RNGTT: variants seen among roughly 807,000 people sequenced by gnomAD.
RNGTT encodes the protein mRNA-capping enzyme.
Under a neutral mutation model 79.3 loss-of-function variants are expected in RNGTT, and 33 were observed. The observed-to-expected ratio is 0.42, with a 90% confidence interval of 0.32 to 0.56. The LOEUF (loss-of-function observed/expected upper bound fraction) is 0.56, where lower values mean the gene tolerates loss of function less well. RNGTT is among the 20% of genes least tolerant of loss of function. RNGTT has a pLI of 0.17. For missense variants in RNGTT, 497 were observed against 739.1 expected (o/e 0.67, Z 3.80); for synonymous variants, 222 against 235.9 (o/e 0.94, Z 0.54).
At chr6:88,779,642 G>C (rs565687908) in intron 12 of RNGTT, among the ~76,000 whole-genome samples, 1 of 152,144 alleles carries the variant, frequency 6.6e-6, no homozygotes, top group African/African-American at 2.4e-5. Flanking sequence ...TGGAATACTA[G>C]ACTTGATATT....
chr6:88,928,305 A>AAAC (rs1014780036), intron 4 of RNGTT, among the ~76,000 whole-genome samples: 2 of 152,298 alleles, frequency 1.3e-5, no homozygotes, highest in South Asian at 2.1e-4. Flanking sequence ...TATAAAAGCA[A>AAAC]AACAACAACA....
chr6:88,748,643 T>A (rs959855536), intron 13 of RNGTT, among the ~76,000 whole-genome samples: 2 of 152,142 alleles, frequency 1.3e-5, no homozygotes, highest in Non-Finnish European at 2.9e-5. Context: ...AAATGTAAGT[T>A]CCATGAATCA....
At chr6:88,681,923 A>C (rs1039388916) in intron 13 of RNGTT, among the ~76,000 whole-genome samples, 3 of 152,178 alleles carry the variant, frequency 2.0e-5, no homozygotes, top group African/African-American at 7.2e-5. Context: ...GGACAAAAAC[A>C]ATTTATCACA....
intron 14 of RNGTT, among the ~76,000 whole-genome samples, chr6:88,647,762 G>A (rs1773633993): frequency 6.7e-6 from 1 of 149,306 alleles, no homozygotes; most frequent in Admixed American, 6.7e-5. Context: ...AGAGGGAGGA[G>A]GGGAGGGAAC....
At chr6:88,806,302 G>A (rs528965203) in intron 11 of RNGTT, among the ~76,000 whole-genome samples, 6 of 149,756 alleles carry the variant, frequency 4.0e-5, no homozygotes, top group South Asian at 2.1e-4. Flanking sequence ...CAACGTTGTC[G>A]AGAAAAAGGA....
chr6:88,644,625 C>A (rs1773465629), intron 14 of RNGTT, among the ~76,000 whole-genome samples: 1 of 152,182 alleles, frequency 6.6e-6, no homozygotes, highest in South Asian at 2.1e-4. Context: ...CAAACTGAAT[C>A]CAGCAGCACA....
chr6:88,961,657 T>C (rs563141026), intron 1 of RNGTT, among the ~76,000 whole-genome samples: 1 of 152,346 alleles, frequency 6.6e-6, no homozygotes, highest in South Asian at 2.1e-4. Flanking sequence ...TTTTTGCTAG[T>C]TTTTAAGTCC....
intron 1 of RNGTT, among the ~76,000 whole-genome samples, chr6:88,957,398 G>A (rs1251037971): frequency 6.6e-6 from 1 of 152,096 alleles, no homozygotes; most frequent in Non-Finnish European, 1.5e-5. Flanking sequence ...GAAATAAAGG[G>A]CATCCAAATT....
chr6:88,832,703 C>T (rs910273978), intron 11 of RNGTT, among the ~76,000 whole-genome samples: 7 of 152,204 alleles, frequency 4.6e-5, no homozygotes, highest in Admixed American at 3.9e-4. Context: ...GGGCTAATAT[C>T]CAGAATCTAC....
chr6:88,795,092 AAAAGTGATG>A (rs1174336779), intron 12 of RNGTT, among the ~76,000 whole-genome samples: 15 of 152,366 alleles, frequency 9.8e-5, no homozygotes, highest in Admixed American at 6.5e-4. Context: ...AAGCTGCTAT[AAAAGTGATG>A]ATAGAGGAAT....
At chr6:88,722,744 T>C (rs924939661) in intron 13 of RNGTT, among the ~76,000 whole-genome samples, 19 of 152,292 alleles carry the variant, frequency 1.2e-4, no homozygotes, top group African/African-American at 4.6e-4. Context: ...AAAGTAACTA[T>C]AGTCATGAGC....
At chr6:88,662,414 T>G (rs1196552842) in intron 14 of RNGTT, among the ~76,000 whole-genome samples, 1 of 152,228 alleles carries the variant, frequency 6.6e-6, no homozygotes, top group East Asian at 1.9e-4. Flanking sequence ...TTGCACAATG[T>G]ATCATGACCC....
chr6:88,911,324 G>C (rs1299184314), intron 4 of RNGTT, among the ~76,000 whole-genome samples: 1 of 152,108 alleles, frequency 6.6e-6, no homozygotes, highest in Non-Finnish European at 1.5e-5. Context: ...AAAAGAGCAG[G>C]GGTTGCTATT....
At chr6:88,650,544 T>A (rs1030173607) in intron 14 of RNGTT, among the ~76,000 whole-genome samples, 2 of 151,720 alleles carry the variant, frequency 1.3e-5, no homozygotes, top group African/African-American at 4.9e-5. Context: ...TACTCAACTT[T>A]GGGCAAAAAA....
chr6:88,773,107 T>A (rs1488982922), intron 12 of RNGTT, among the ~76,000 whole-genome samples: 1 of 147,294 alleles, frequency 6.8e-6, no homozygotes, highest in Non-Finnish European at 1.5e-5. Context: ...TAAGAAAATG[T>A]GGCACATATA....
At chr6:88,860,247 C>G (rs1003267674) in intron 8 of RNGTT, among the ~76,000 whole-genome samples, 1 of 152,138 alleles carries the variant, frequency 6.6e-6, no homozygotes, top group African/African-American at 2.4e-5. Flanking sequence ...AGAGAAGTTC[C>G]AAGTTCTGGC....
chr6:88,800,884 T>C (rs1030743351), intron 12 of RNGTT, among the ~76,000 whole-genome samples: 5 of 152,300 alleles, frequency 3.3e-5, no homozygotes, highest in South Asian at 4.1e-4. Flanking sequence ...CTGGCATCTA[T>C]ACTCCTGGCA....
At chr6:88,647,232 A>G (rs913768020) in intron 14 of RNGTT, among the ~76,000 whole-genome samples, 3 of 152,158 alleles carry the variant, frequency 2.0e-5, no homozygotes, top group Non-Finnish European at 4.4e-5. Context: ...AGTATGCTAC[A>G]GAAGCTCGAC....
chr6:88,863,239 C>T (rs1274516083), intron 8 of RNGTT, among the ~76,000 whole-genome samples: 1 of 152,188 alleles, frequency 6.6e-6, no homozygotes, highest in Non-Finnish European at 1.5e-5. Context: ...GGCAGGCCAG[C>T]AGCATGCCAC....
Sources: gnomAD v4.1 joint callset for allele counts (sites outside exome capture counted in the v4.1 genomes callset) on GRCh38, gnomAD v4.1.1 for gene constraint, MANE v1.5 for transcripts, NCBI Gene and HGNC (gene_info 2026-07-23, HGNC 2026-07-21) for gene names.